The following TULP4 variants were observed in gnomAD, a reference collection of about 807,000 sequenced individuals.
TULP4 encodes tubby-related protein 4.
A neutral mutation model predicts 129.0 loss-of-function variants in TULP4; 16 were observed. The ratio of observed to expected loss-of-function variants is 0.12; its 90% CI spans 0.08 to 0.19. The LOEUF is 0.19. TULP4 is among the 10% of genes least tolerant of loss of function. The pLI, the probability that TULP4 is intolerant of heterozygous loss-of-function variation, is 1.00. For synonymous variants in TULP4, 998 were observed against 854.0 expected (o/e 1.17, Z -2.94); for missense variants, 1,842 against 2,059.1 (o/e 0.89, Z 2.04).
intron 1 of TULP4, among the ~76,000 whole-genome samples, chr6:158,261,182 T>C (rs954924727): frequency 6.6e-6 from 1 of 152,152 alleles, no homozygotes; most frequent in Non-Finnish European, 1.5e-5. Context: ...AAACCATCTA[T>C]ATTGTTGTGC....
chr6:158,288,494 A>T (rs1778867824), intron 1 of TULP4, among the ~76,000 whole-genome samples: 1 of 150,036 alleles, frequency 6.7e-6, no homozygotes, highest in Non-Finnish European at 1.5e-5. Flanking sequence ...CTAAAAAAAA[A>T]ATGAGTGTTG....
intron 8 of TULP4, among the ~76,000 whole-genome samples, chr6:158,485,948 T>C (rs1780054762): frequency 6.6e-6 from 1 of 152,240 alleles, no homozygotes; most frequent in African/African-American, 2.4e-5. Context: ...CAGTTTTGCT[T>C]CAGGATGAAT....
intron 3 of TULP4, among the ~76,000 whole-genome samples, chr6:158,443,356 A>G (rs1288593856): frequency 6.6e-6 from 1 of 151,934 alleles, no homozygotes; most frequent in East Asian, 1.9e-4. Flanking sequence ...ACCTCAAATG[A>G]TCTGCCCGTC....
intron 11 of TULP4, among the ~76,000 whole-genome samples, chr6:158,495,494 C>T (rs1273355005): frequency 2.0e-5 from 3 of 152,234 alleles, no homozygotes; most frequent in East Asian, 1.9e-4. Flanking sequence ...TTGCTGTGGG[C>T]GGATTTTTGG....
In TULP4 at chr6:158,294,642, T is replaced by C. The variant is rs555183597; in HGVS notation, n.116+12264T>C. Reference sequence around the variant, plus strand: ...CTGGGATGTGTTTGATTCAAATCATTAAACAGGAAATTCTCCTCCTCCTCC... The same window carrying C: ...CTGGGATGTGTTTGATTCAAATCATCAAACAGGAAATTCTCCTCCTCCTCC... On this transcript the variant is annotated intron_variant and non_coding_transcript_variant, in intron 1 of 1. Coordinates refer to the TULP4 transcript ENST00000432358. Among the ~76,000 whole-genome samples, 29 of 152,272 alleles carry C rather than the reference T, an allele frequency of 1.9e-4. 1 individual carries two copies. The South Asian group carries it at 6.0e-3, about 32-fold the overall frequency.
upstream of TULP4, among the ~76,000 whole-genome samples, chr6:158,308,949 C>G (rs1779276531): frequency 7.2e-6 from 1 of 139,468 alleles, no homozygotes; most frequent in South Asian, 2.4e-4. Flanking sequence ...CCACCCACCT[C>G]CCTCCCGGAC....
intron 5 of TULP4, among the ~76,000 whole-genome samples, chr6:158,457,880 G>A (rs1405746121): frequency 4.6e-5 from 7 of 151,852 alleles, no homozygotes; most frequent in Non-Finnish European, 8.8e-5. Flanking sequence ...CATTGAGTAC[G>A]TGCCCCTTTT....
intron 1 of TULP4, among the ~76,000 whole-genome samples, chr6:158,266,997 A>G (rs1210122567): frequency 6.6e-6 from 1 of 152,154 alleles, no homozygotes; most frequent in African/African-American, 2.4e-5. Flanking sequence ...GATAACCACC[A>G]TTCTATTTCT....
chr6:158,260,294 A>G (rs985039558), intron 1 of TULP4, among the ~76,000 whole-genome samples: 3 of 152,198 alleles, frequency 2.0e-5, no homozygotes, highest in Admixed American at 6.5e-5. Context: ...CAAAACCCAG[A>G]TATATTCTTT....
intron 1 of TULP4, among the ~76,000 whole-genome samples, chr6:158,236,154 A>G (rs2128441148): frequency 6.6e-6 from 1 of 152,378 alleles, no homozygotes; most frequent in Middle Eastern, 3.4e-3. Flanking sequence ...TTAAAGGGAA[A>G]TGTAGGTAAA....
chr6:158,337,128 C>CTTT (rs34480077), intron 1 of TULP4, among the ~76,000 whole-genome samples: 2,662 of 73,850 alleles, frequency 0.036, 760 homozygotes, highest in East Asian at 0.12. Context: ...CTTTCTTTCT[C>CTTT]TTTTTTTTTT....
chr6:158,284,850 G>A (rs2128467960), intron 1 of TULP4, among the ~76,000 whole-genome samples: 1 of 152,298 alleles, frequency 6.6e-6, no homozygotes, highest in African/African-American at 2.4e-5. Context: ...CGAGGTGTGA[G>A]CCTCGGTTTC....
intron 9 of TULP4, among the ~76,000 whole-genome samples, chr6:158,492,148 G>A (rs907779038): frequency 1.2e-4 from 19 of 152,158 alleles, no homozygotes; most frequent in Admixed American, 8.5e-4. Context: ...GTGAGCCACC[G>A]CACCCAGCCA....
At chr6:158,242,277 T>G in intron 1 of TULP4, 1 of 1,542,900 alleles carries the variant, frequency 6.5e-7, no homozygotes, top group South Asian at 1.1e-5. Flanking sequence ...TCAGTGCACA[T>G]GCAGTGTTTA....
chr6:158,405,194 G>C (rs1461863534), intron 1 of TULP4, among the ~76,000 whole-genome samples: 1 of 152,180 alleles, frequency 6.6e-6, no homozygotes, highest in African/African-American at 2.4e-5. Context: ...TTTTTCAGAC[G>C]TATGAGAAGA....
intron 6 of TULP4, among the ~76,000 whole-genome samples, chr6:158,476,349 C>T (rs754344121): frequency 6.6e-6 from 1 of 152,102 alleles, no homozygotes; most frequent in Admixed American, 6.6e-5. Context: ...TTCCTGGTAA[C>T]GTTGCCCTAG....
At chr6:158,359,749 A>C (rs756550286) in intron 1 of TULP4, among the ~76,000 whole-genome samples, 1 of 152,208 alleles carries the variant, frequency 6.6e-6, no homozygotes, top group Admixed American at 6.5e-5. Context: ...AATCAAGTTG[A>C]CATTGAATAT....
At chr6:158,308,850 T>C (rs543462606), upstream of TULP4, among the ~76,000 whole-genome samples, 550 of 68,034 alleles carry the variant, frequency 8.1e-3, no homozygotes, top group East Asian at 8.8e-3. Flanking sequence ...AGGCGCCCCT[T>C]ACCTCCCGGA....
At chr6:158,274,756 A>C (rs534065371) in intron 1 of TULP4, among the ~76,000 whole-genome samples, 1 of 152,188 alleles carries the variant, frequency 6.6e-6, no homozygotes, top group Non-Finnish European at 1.5e-5. Flanking sequence ...CAGCCTGGGC[A>C]ACAGAGCGAG....
Sources: gnomAD v4.1 joint callset for allele counts (sites outside exome capture counted in the v4.1 genomes callset) on GRCh38, gnomAD v4.1.1 for gene constraint, MANE v1.5 for transcripts, NCBI Gene and HGNC (gene_info 2026-07-23, HGNC 2026-07-21) for gene names.